Variants in ADAMTS15 observed in about 807,000 individuals in gnomAD.
ADAMTS15 encodes A disintegrin and metalloproteinase with thrombospondin motifs 15.
In ADAMTS15, 35 loss-of-function variants were observed where a neutral mutation model predicts 79.1. The ratio of observed to expected loss-of-function variants is 0.44; its 90% CI spans 0.34 to 0.59. The LOEUF is 0.59. Among genes scored for constraint, ADAMTS15 ranks in the 20% least tolerant of loss-of-function variants. The pLI, the probability that ADAMTS15 is intolerant of heterozygous loss-of-function variation, is 0.02. For synonymous variants in ADAMTS15, 616 were observed against 567.3 expected (o/e 1.09, Z -1.22); for missense variants, 1,324 against 1,318.7 (o/e 1.00, Z -0.06).
rs1476420289 is a variant in ADAMTS15, at chr11:130,473,993, T to G, written c.*172T>G. 7.5e-6 allele frequency: 7 copies of G among 936,882 alleles called. No individual in the cohort carries two copies. Among genetic ancestry groups the G allele is most frequent in the African/African-American group, 1.7e-5 (1 of 60,114 alleles). The allele number at this position is 936,882 out of a possible 1,614,324, so 58.0% of individuals were successfully genotyped here. On this transcript the variant is annotated 3_prime_UTR_variant, in exon 8 of 8. Coordinates refer to ENST00000299164, the MANE Select transcript of ADAMTS15 (RefSeq NM_139055.4). ...AGAGGTTCCCTCCTCCTCCCTGGAC[T>G]GGGCAGAGGGAAGCCCAGGAACTCC... is the stretch of plus-strand genomic sequence containing the variant.
chr11:130,448,999 T>G lies in ADAMTS15; in HGVS notation c.26T>G (p.Leu9Arg). 6.6e-7 allele frequency: 1 copy of G among 1,509,550 alleles called. No homozygotes were observed. The highest frequency in any genetic ancestry group is 8.9e-7 in the Non-Finnish European group (1 of 1,129,296). The allele number at this position is 1,509,550 out of a possible 1,614,324, so 93.5% of individuals were successfully genotyped here. A position where few individuals can be genotyped will look rare whatever the true frequency, so the allele number is the denominator to read the frequency against. The change falls in exon 1 of 8, where the codon CTG (leucine) becomes CGG (arginine). Residue 9 changes from leucine to arginine, a missense_variant. Coordinates refer to ENST00000299164, the MANE Select transcript of ADAMTS15 (RefSeq NM_139055.4). MLLLGILT[L>R]AFAGRTAGGS... ...ATGCTTCTGCTGGGCATCCTAACCC[T>G]GGCTTTCGCCGGGCGAACCGCTGGA...
intron 7 of ADAMTS15, among the ~76,000 whole-genome samples, chr11:130,471,884 C>T (rs550492525): frequency 2.6e-5 from 4 of 152,354 alleles, no homozygotes; most frequent in East Asian, 1.9e-4. Flanking sequence ...TGAGGCTGAA[C>T]GTGACAGCTG....
chr11:130,471,474 A>G (rs912678828), intron 7 of ADAMTS15, 91 bp downstream of exon 7: 37 of 1,458,590 alleles, frequency 2.5e-5, no homozygotes, highest in Non-Finnish European at 3.1e-5. Flanking sequence ...AGACTGGGGT[A>G]AATGTCAGAT....
At chr11:130,451,127 CTCT>C (rs1334180867) in intron 1 of ADAMTS15, among the ~76,000 whole-genome samples, 6 of 152,278 alleles carry the variant, frequency 3.9e-5, no homozygotes, top group Middle Eastern at 3.4e-3. Flanking sequence ...CCAAGTGAGC[CTCT>C]TCTTCTGATT....
chr11:130,455,157 C>CG (rs1938050733), intron 1 of ADAMTS15, among the ~76,000 whole-genome samples: 1 of 152,136 alleles, frequency 6.6e-6, no homozygotes, highest in African/African-American at 2.4e-5. Flanking sequence ...ACCTCACTTA[C>CG]GGGGCTGTTG....
intron 4 of ADAMTS15, among the ~76,000 whole-genome samples, chr11:130,464,653 G>A (rs1269317825): frequency 6.6e-6 from 1 of 152,064 alleles, no homozygotes; most frequent in African/African-American, 2.4e-5. Context: ...ATGCAATTGT[G>A]CTCACTGGTC....
chr11:130,458,969 T>C (rs891536711), intron 1 of ADAMTS15, among the ~76,000 whole-genome samples: 1 of 151,944 alleles, frequency 6.6e-6, no homozygotes, highest in Admixed American at 6.6e-5. Context: ...CTGATCCATG[T>C]TTCTCAGCTG....
chr11:130,473,951 G>C lies in ADAMTS15; in HGVS notation c.*130G>C. The C allele has an allele frequency of 7.7e-7, 1 of 1,303,170 alleles. No homozygotes were observed. The allele number at this position is 1,303,170 out of a possible 1,614,324, so 80.7% of individuals were successfully genotyped here. A position where few individuals can be genotyped will look rare whatever the true frequency, so the allele number is the denominator to read the frequency against. On this transcript the variant is annotated 3_prime_UTR_variant, in exon 8 of 8. Coordinates refer to ENST00000299164, the MANE Select transcript of ADAMTS15 (RefSeq NM_139055.4). ...GATGTCACCCACATCCGGGGACAAG[G>C]ACCATGGGCTGGGGCGAGAGGTTCC... is the stretch of plus-strand genomic sequence containing the variant.
chr11:130,470,172 ATATATATATG>A (rs1346742734), intron 5 of ADAMTS15, among the ~76,000 whole-genome samples: 22 of 58,442 alleles, frequency 3.8e-4, no homozygotes, highest in African/African-American at 1.7e-3. Flanking sequence ...ATATATATAT[ATATATATATG>A]TGTGTATATA....
intron 5 of ADAMTS15, among the ~76,000 whole-genome samples, chr11:130,470,206 A>ATATATATATATATG (rs1565397932): frequency 1.6e-5 from 1 of 64,030 alleles, no homozygotes. Context: ...ATATATATAT[A>ATATATATATATATG]TATGTATATA....
intron 1 of ADAMTS15, among the ~76,000 whole-genome samples, chr11:130,457,270 A>T (rs1455046191): frequency 1.3e-5 from 2 of 151,600 alleles, no homozygotes; most frequent in Non-Finnish European, 2.9e-5. Flanking sequence ...ATTTTTGTGC[A>T]TCCCTCTGTC....
At chr11:130,468,714 G>A (rs575486422) in intron 4 of ADAMTS15, among the ~76,000 whole-genome samples, 2 of 148,080 alleles carry the variant, frequency 1.4e-5, no homozygotes, top group African/African-American at 2.5e-5. Context: ...GCAGTGAGCC[G>A]GGATAGCGCC....
rs1200098415 is a variant in ADAMTS15 at position 130,462,306 on chromosome 11, T to C, written c.1258+52T>C. Reference sequence around the variant, plus strand: ...GAGGCCGCCTCGGAGGGGGCTTTGCTGCTGCCCCTGGTGGAGGTGCTCACT... The same window carrying C: ...GAGGCCGCCTCGGAGGGGGCTTTGCCGCTGCCCCTGGTGGAGGTGCTCACT... On this transcript the variant is annotated intron_variant, in intron 3 of 7. Transcript: ENST00000299164. This position sits in a 1 kb window ranked among gnomAD's most constrained non-coding sequence, Gnocchi z 4.3. 6.4e-7 allele frequency: 1 copy of C among 1,556,622 alleles called. No individual in the cohort carries two copies. The highest frequency in any genetic ancestry group is 2.3e-5 in the East Asian group (1 of 43,430).
rs997126097 is a variant in ADAMTS15, at chr11:130,472,339, C to T, written c.2079-708C>T. Among the ~76,000 whole-genome samples, 2 of 152,158 alleles carry T rather than the reference C, an allele frequency of 1.3e-5. No individual in the cohort carries two copies. The highest frequency in any genetic ancestry group is 2.4e-5 in the African/African-American group (1 of 41,438). ...TCTCTGGGAGCTCGGGCACCAGGGA[C>T]GGATGGCATTCCAGGCTGTGCTTTG... On this transcript the variant is annotated intron_variant, in intron 7 of 7. Transcript: ENST00000299164. This position sits in a 1 kb window ranked among gnomAD's most constrained non-coding sequence, Gnocchi z 4.7.
At chr11:130,470,863 T>C (rs1371403446) in intron 5 of ADAMTS15, 57 bp from the exon 6 acceptor site, 2 of 1,559,110 alleles carry the variant, frequency 1.3e-6, no homozygotes, top group African/African-American at 2.7e-5. Flanking sequence ...AGGCTTGTCC[T>C]TTGCACCGGC....
Position 130,449,236 on chromosome 11 carries a change from T to A in ADAMTS15, c.263T>A (p.Leu88His). The change falls in exon 1 of 8, where the codon CTC becomes CAC. Residue 88 changes from leucine to histidine, a missense_variant. Transcript: ENST00000299164. The surrounding 1 kb of genome is among the most constrained non-coding windows in gnomAD (Gnocchi z 7.8). ...AFSTEHLGVP[L>H]QGLTGGSSDL... is the part of the protein sequence containing the mutation. ...TCCACTGAGCATCTGGGCGTCCCCC[T>A]CCAGGGGCTCACCGGGGGCTCTTCA... 3 of 1,613,832 alleles carry A rather than the reference T, an allele frequency of 1.9e-6. No homozygotes were observed. Among genetic ancestry groups the A allele is most frequent in the Non-Finnish European group, 2.5e-6 (3 of 1,180,018 alleles).
At chr11:130,456,407 T>G (rs549621553) in intron 1 of ADAMTS15, among the ~76,000 whole-genome samples, 1 of 152,310 alleles carries the variant, frequency 6.6e-6, no homozygotes, top group Non-Finnish European at 1.5e-5. Flanking sequence ...CTGGAGGGAT[T>G]TATATGCCAG....
intron 1 of ADAMTS15, among the ~76,000 whole-genome samples, chr11:130,451,886 G>A (rs1231610460): frequency 1.3e-5 from 2 of 152,166 alleles, no homozygotes; most frequent in Non-Finnish European, 2.9e-5. Context: ...ATGCATAATG[G>A]GTACAAGATG....
chr11:130,458,533 CAGGGCCAGA>C lies in ADAMTS15; in HGVS notation c.958-2951_958-2943del, dbSNP rs993428027. Among the ~76,000 whole-genome samples the C allele has an allele frequency of 2.6e-3, 390 of 152,294 alleles. 2 individuals carry two copies. The highest frequency in any genetic ancestry group is 8.6e-3 in the African/African-American group (356 of 41,570). On this transcript the variant is annotated intron_variant, in intron 1 of 7. Coordinates refer to ENST00000299164, the MANE Select transcript of ADAMTS15 (RefSeq NM_139055.4). ...TTCTGTGGGTTCCCTTTATAACCTACAGGGCCAGAAGGGGCTGCATGCTCTGGGACTGGG... is the reference window on the plus strand; with the variant it reads ...TTCTGTGGGTTCCCTTTATAACCTACAGGGGCTGCATGCTCTGGGACTGGG...
Sources: allele counts gnomAD v4.1 joint callset (sites outside exome capture counted in the v4.1 genomes callset), GRCh38; gene constraint gnomAD v4.1.1; non-coding constraint Gnocchi (gnomAD v3.1); transcripts MANE v1.5; gene names NCBI Gene and HGNC (gene_info 2026-07-23, HGNC 2026-07-21).